The following PTPRM variants were observed in gnomAD, a reference collection of about 807,000 sequenced individuals.
PTPRM encodes protein tyrosine phosphatase receptor type M.
Under a neutral mutation model 186.7 loss-of-function variants are expected in PTPRM, and 47 were observed. The ratio of observed to expected loss-of-function variants is 0.25; its 90% CI spans 0.20 to 0.32. The LOEUF (loss-of-function observed/expected upper bound fraction) is 0.32, where lower values mean the gene tolerates loss of function less well. PTPRM is among the 10% of genes least tolerant of loss of function. The probability of loss-of-function intolerance (pLI) is 1.00; values close to 1 mark genes in which losing one functional copy is unlikely to be tolerated. For missense variants in PTPRM, 1,494 were observed against 1,865.0 expected (o/e 0.80, Z 3.66); for synonymous variants, 668 against 674.9 (o/e 0.99, Z 0.16).
chr18:8,222,229 A>G (rs1249386923), intron 14 of PTPRM, among the ~76,000 whole-genome samples: 1 of 152,250 alleles, frequency 6.6e-6, no homozygotes, highest in Non-Finnish European at 1.5e-5. Context: ...ATTTAACAGA[A>G]TGAATACTGG....
intron 1 of PTPRM, among the ~76,000 whole-genome samples, chr18:7,572,431 C>A (rs1228251776): frequency 6.6e-6 from 1 of 152,046 alleles, no homozygotes; most frequent in East Asian, 1.9e-4. Context: ...AAGTCAATAC[C>A]TTTATTTAAA....
At chr18:8,204,776 AAAAAAC>A (rs1164364665) in intron 14 of PTPRM, among the ~76,000 whole-genome samples, 1 of 151,730 alleles carries the variant, frequency 6.6e-6, no homozygotes, top group Admixed American at 6.6e-5. Context: ...AAAAACAAAA[AAAAAAC>A]AAAAACAAAA....
At chr18:8,393,926 C>T (rs996937219) in intron 31 of PTPRM, among the ~76,000 whole-genome samples, 11 of 152,080 alleles carry the variant, frequency 7.2e-5, no homozygotes, top group African/African-American at 1.5e-4. Context: ...GTAGCTGGGA[C>T]TACAAGCACC....
At chr18:7,629,611 A>G (rs1473440320) in intron 1 of PTPRM, among the ~76,000 whole-genome samples, 1 of 152,158 alleles carries the variant, frequency 6.6e-6, no homozygotes, top group Non-Finnish European at 1.5e-5. Flanking sequence ...TGTACTCAAG[A>G]GAGTGAAGGG....
intron 2 of PTPRM, among the ~76,000 whole-genome samples, chr18:7,812,326 G>A (rs770887450): frequency 6.6e-6 from 1 of 152,204 alleles, no homozygotes; most frequent in African/African-American, 2.4e-5. Context: ...GTGCACTGCT[G>A]TTGCTCTTCC....
At chr18:7,569,942 C>G (rs1187540536) in intron 1 of PTPRM, among the ~76,000 whole-genome samples, 1 of 152,104 alleles carries the variant, frequency 6.6e-6, no homozygotes, top group Non-Finnish European at 1.5e-5. Context: ...AGCCATGCCT[C>G]AGAAACGTTG....
At chr18:7,733,831 A>G (rs1598457566) in intron 1 of PTPRM, among the ~76,000 whole-genome samples, 1 of 152,154 alleles carries the variant, frequency 6.6e-6, no homozygotes, top group Non-Finnish European at 1.5e-5. Flanking sequence ...CCCCCAGTGC[A>G]TGTGGGCCTC....
At chr18:7,916,221 A>G (rs185449077) in intron 4 of PTPRM, among the ~76,000 whole-genome samples, 2 of 151,988 alleles carry the variant, frequency 1.3e-5, no homozygotes, top group African/African-American at 4.8e-5. Context: ...AAGGAACAAA[A>G]CTGCACTTGG....
intron 1 of PTPRM, among the ~76,000 whole-genome samples, chr18:7,710,396 C>G (rs1239891154): frequency 1.3e-5 from 2 of 152,194 alleles, no homozygotes; most frequent in East Asian, 3.9e-4. Flanking sequence ...GGATGTAACT[C>G]AAAGTAATAA....
chr18:7,864,421 C>A (rs1371308718), intron 2 of PTPRM, among the ~76,000 whole-genome samples: 1 of 152,146 alleles, frequency 6.6e-6, no homozygotes, highest in Non-Finnish European at 1.5e-5. Context: ...ATATGGCTGG[C>A]CAGTTTCCCC....
At chr18:7,866,717 T>C (rs1253653926) in intron 2 of PTPRM, among the ~76,000 whole-genome samples, 1 of 152,108 alleles carries the variant, frequency 6.6e-6, no homozygotes, top group Non-Finnish European at 1.5e-5. Flanking sequence ...TTGGTCCCTG[T>C]CTGAGTTCAA....
At chr18:8,113,799 G>A (rs746366482) in intron 12 of PTPRM, 40 bp downstream of exon 12, 2 of 1,546,670 alleles carry the variant, frequency 1.3e-6, no homozygotes, top group African/African-American at 1.4e-5. Flanking sequence ...GCTATTTGGG[G>A]TTGTTAATGT....
intron 7 of PTPRM, among the ~76,000 whole-genome samples, chr18:8,063,396 A>T (rs568023503): frequency 1.3e-5 from 2 of 151,956 alleles, no homozygotes; most frequent in East Asian, 3.9e-4. Flanking sequence ...GAAATGCAGA[A>T]ATCACCCGTC....
At chr18:8,330,293 A>C (rs372685670) in intron 22 of PTPRM, among the ~76,000 whole-genome samples, 2 of 152,166 alleles carry the variant, frequency 1.3e-5, no homozygotes, top group East Asian at 3.8e-4. Flanking sequence ...AGCTATAACC[A>C]GTGACTTTTT....
intron 11 of PTPRM, among the ~76,000 whole-genome samples, chr18:8,106,986 A>G (rs1441319856): frequency 6.6e-6 from 1 of 152,246 alleles, no homozygotes; most frequent in Non-Finnish European, 1.5e-5. Flanking sequence ...TGGATAAAAT[A>G]CAAACTATAA....
chr18:8,111,490 G>T (rs7239189), intron 11 of PTPRM, among the ~76,000 whole-genome samples: 2,939 of 152,168 alleles, frequency 0.019, 86 homozygotes, highest in African/African-American at 0.068. Flanking sequence ...GCGGGCGCCT[G>T]TAGTTCCAGC....
rs187757907 is a variant in PTPRM at position 8,329,966 on chromosome 18, T to A, written c.2956+10752T>A. The stretch of plus-strand genomic sequence containing the variant: ...GGGATAAGCAACCACACCTGGCTAA[T>A]TTTTTATTTTATTTTTTATAGAGAC... On this transcript the variant is annotated intron_variant, in intron 22 of 32. Transcript: ENST00000580170. Among the ~76,000 whole-genome samples the A allele has an allele frequency of 1.5e-4, 23 of 152,136 alleles. No individual in the cohort carries two copies. In the East Asian group the frequency reaches 3.5e-3, roughly 23 times the overall value.
chr18:8,199,442 G>T (rs566680185), intron 14 of PTPRM, among the ~76,000 whole-genome samples: 1 of 152,144 alleles, frequency 6.6e-6, no homozygotes, highest in Non-Finnish European at 1.5e-5. Context: ...AGGATAGTGC[G>T]CTGTGTCTGC....
At chr18:7,611,880 C>T (rs911274631) in intron 1 of PTPRM, among the ~76,000 whole-genome samples, 1 of 152,174 alleles carries the variant, frequency 6.6e-6, no homozygotes, top group Non-Finnish European at 1.5e-5. Context: ...AACCCTCTTT[C>T]TTTTGTAAAT....
Sources: gnomAD v4.1 joint callset for allele counts (sites outside exome capture counted in the v4.1 genomes callset) on GRCh38, gnomAD v4.1.1 for gene constraint, MANE v1.5 for transcripts, NCBI Gene and HGNC (gene_info 2026-07-23, HGNC 2026-07-21) for gene names.